The following FN1 variants were observed in gnomAD, a reference collection of about 807,000 sequenced individuals.
FN1 encodes fibronectin.
FN1 carries 106 observed loss-of-function variants against 297.3 expected under a neutral mutation model. The observed-to-expected ratio is 0.36, with a 90% CI of 0.30 to 0.42. The LOEUF is 0.42. FN1 is among the 10% of genes least tolerant of loss of function. The pLI is 1.00. For missense variants in FN1, 2,690 were observed against 3,124.9 expected (o/e 0.86, Z 3.32); for synonymous variants, 1,149 against 1,152.6 (o/e 1.00, Z 0.06).
chr2:215,383,337 C>T lies in FN1; in HGVS notation c.5041G>A (p.Ala1681Thr), dbSNP rs1451791484. The T allele has an allele frequency of 6.2e-7, 1 of 1,613,966 alleles. No individual in the cohort carries two copies. Residue 1681 changes from alanine to threonine, a missense_variant, in exon 31 of 46, where the codon GCA (alanine) becomes ACA (threonine). Around this residue, in one of 3 missense-constraint regions of FN1, gnomAD observed 1,743 missense variants for 1,945.2 expected, o/e 0.90. Transcript: ENST00000354785. ...TGCAGATGATTCTTACCTGGACCTG[C>T]AGTTTTAGTTTTTGTTGGTCCTGGT... ...NGPGPTKTKTAGPDQTEMTIE... is the reference protein window; with the variant it reads ...NGPGPTKTKTTGPDQTEMTIE...
rs958130710 is a variant in FN1, at chr2:215,435,982, C to T, written c.-180G>A. ...GGAGGGACAGAAGGGATGCAGAGGA[C>T]CAGAGAAGTTGTGGCTGCAGGTCCC... On this transcript the variant is annotated 5_prime_UTR_variant, in exon 1 of 46. Coordinates refer to ENST00000354785, the MANE Select transcript of FN1 (RefSeq NM_212482.4). 218 of 1,351,264 alleles carry T rather than the reference C, an allele frequency of 1.6e-4. No individual in the cohort carries two copies. Among genetic ancestry groups the T allele is most frequent in the Non-Finnish European group, 2.0e-4 (208 of 1,025,286 alleles). The allele number at this position is 1,351,264 out of a possible 1,614,324, so 83.7% of individuals were successfully genotyped here.
chr2:215,398,114 G>GA (rs1428934106), intron 21 of FN1, among the ~76,000 whole-genome samples: 1 of 152,194 alleles, frequency 6.6e-6, no homozygotes, highest in Non-Finnish European at 1.5e-5. Flanking sequence ...GCTTGATAAA[G>GA]AATCTCTTGT....
At position 215,372,380 on chromosome 2, in the gene FN1, C is replaced by G. The variant is rs528719062; in HGVS notation, c.6248-5G>C. 2.8e-5 allele frequency: 45 copies of G among 1,613,148 alleles called. 1 individual carries two copies. The South Asian group carries it at 4.9e-4, about 18-fold the overall frequency. On this transcript the variant is annotated splice_polypyrimidine_tract_variant and splice_region_variant and intron_variant, in intron 39 of 45. Coordinates refer to ENST00000354785, the MANE Select transcript of FN1 (RefSeq NM_212482.4). ...TTACCAGTTGGGGAAGCTCGTCTAGCCGAGAGAGGTTAGAGCCAAAAAAGC... is the reference window on the plus strand; with the variant it reads ...TTACCAGTTGGGGAAGCTCGTCTAGGCGAGAGAGGTTAGAGCCAAAAAAGC...
chr2:215,361,870 TTTAA>T (rs1257852395), intron 45 of FN1, 95 bp downstream of exon 45: 7 of 1,482,872 alleles, frequency 4.7e-6, no homozygotes, highest in East Asian at 2.4e-5. Context: ...TGTTTTTTTT[TTTAA>T]TTAATTAAAA....
intron 31 of FN1, 131 bp downstream of exon 31, chr2:215,383,196 CG>C (rs1323290252): frequency 3.8e-5 from 33 of 872,674 alleles, no homozygotes; most frequent in Non-Finnish European, 6.1e-5. Flanking sequence ...TTAGTACAGA[CG>C]GGGTTTCGCC....
At chr2:215,415,145 C>T (rs192170493) in intron 12 of FN1, among the ~76,000 whole-genome samples, 187 bp from the exon 13 acceptor site, 42 of 151,818 alleles carry the variant, frequency 2.8e-4, no homozygotes, top group African/African-American at 6.0e-4. Flanking sequence ...CATTTTTAGC[C>T]GATAATTATT....
At chr2:215,428,658 C>G (rs1005530245) in intron 5 of FN1, among the ~76,000 whole-genome samples, 3 of 152,188 alleles carry the variant, frequency 2.0e-5, no homozygotes, top group Non-Finnish European at 4.4e-5. Context: ...CCTTCTCAGG[C>G]TCTTCCAGGA....
chr2:215,372,183 C>T lies in FN1; in HGVS notation c.6440G>A (p.Gly2147Asp). 1.9e-6 allele frequency: 3 copies of T among 1,614,206 alleles called. No homozygotes were observed. The highest frequency in any genetic ancestry group is 1.1e-5 in the South Asian group (1 of 91,082). The change falls in exon 40 of 46, where the codon GGT becomes GAT. Residue 2147 changes from glycine (G) to aspartate (D), a missense_variant. Gly to Asp is a moderately conservative substitution (Grantham distance 94). Around this residue, in one of 3 missense-constraint regions of FN1, gnomAD observed 1,743 missense variants for 1,945.2 expected, o/e 0.90. Transcript: ENST00000354785. ...TGTGGGCGGTGTGGTCCGCCTAAAA[C>T]CATGTTCCTCAAAGATCATTTGTTG... is the stretch of plus-strand genomic sequence containing the variant. ...VGQQMIFEEHGFRRTTPPTTA... is the reference protein window; with the variant it reads ...VGQQMIFEEHDFRRTTPPTTA...
At chr2:215,373,208 A>G in intron 39 of FN1, 114 bp downstream of exon 39, 3 of 835,646 alleles carry the variant, frequency 3.6e-6, no homozygotes, top group Non-Finnish European at 6.2e-6. Flanking sequence ...TGTTAGATAA[A>G]AAAAATCACA....
Position 215,391,684 on chromosome 2 carries a change from T to C in FN1, c.4200A>G (p.Glu1400=). 6.2e-7 allele frequency: 1 copy of C among 1,614,132 alleles called. No individual in the cohort carries two copies. Among genetic ancestry groups the C allele is most frequent in the Non-Finnish European group, 8.5e-7 (1 of 1,179,994 alleles). Residue 1400 remains glutamate, a synonymous_variant, in exon 26 of 46, where the codon GAA becomes GAG. Transcript: ENST00000354785. ...GAGAAATTGACAACTCTGCAACATCTTCCTCATTTTTCACAGGTGAGTAAC... is the reference window on the plus strand; with the variant it reads ...GAGAAATTGACAACTCTGCAACATCCTCCTCATTTTTCACAGGTGAGTAAC... ...LVRYSPVKNE[E]DVAELSISPS...
chr2:215,372,413 A>G (rs765124834), intron 39 of FN1, 38 bp from the exon 40 acceptor site: 20 of 1,467,472 alleles, frequency 1.4e-5, no homozygotes, highest in Non-Finnish European at 1.7e-5. Flanking sequence ...AGCAAAGCGC[A>G]TTAAGCTCCA....
chr2:215,383,192 C>A, intron 31 of FN1, 136 bp downstream of exon 31: 1 of 844,410 alleles, frequency 1.2e-6, no homozygotes, highest in South Asian at 1.4e-5. Flanking sequence ...TTTTTTAGTA[C>A]AGACGGGGTT....
chr2:215,416,492 C>T (rs1038065904), intron 12 of FN1, among the ~76,000 whole-genome samples: 1 of 152,082 alleles, frequency 6.6e-6, no homozygotes, highest in Non-Finnish European at 1.5e-5. Flanking sequence ...GGAGATGTGA[C>T]TATTTAACGT....
At chr2:215,387,332 C>T (rs1027470724) in intron 27 of FN1, among the ~76,000 whole-genome samples, 13 of 151,748 alleles carry the variant, frequency 8.6e-5, no homozygotes, top group African/African-American at 3.1e-4. Flanking sequence ...TGTTTCTATC[C>T]TGTAAGTGTA....
chr2:215,398,560 T>A (rs750284503), intron 21 of FN1, among the ~76,000 whole-genome samples: 1 of 152,200 alleles, frequency 6.6e-6, no homozygotes, highest in Non-Finnish European at 1.5e-5. Flanking sequence ...TTGAGTAGCA[T>A]AATCATAAAT....
chr2:215,371,096 C>T (rs184582676), intron 40 of FN1, among the ~76,000 whole-genome samples: 8 of 149,236 alleles, frequency 5.4e-5, no homozygotes, highest in African/African-American at 1.4e-4. Flanking sequence ...CGTGAAACCC[C>T]GTCTCTACTA....
At position 215,435,880 on chromosome 2, in the gene FN1, A is replaced by G. The variant is rs1011753544; in HGVS notation, c.-78T>C. On this transcript the variant is annotated 5_prime_UTR_variant, in exon 1 of 46. Coordinates refer to ENST00000354785, the MANE Select transcript of FN1 (RefSeq NM_212482.4). Reference sequence around the variant, plus strand: ...TTTGCTTCCCTTCGCAACCTGCGGGAAAAATCCCTTCTAATGCCTCCCGGG... The same window carrying G: ...TTTGCTTCCCTTCGCAACCTGCGGGGAAAATCCCTTCTAATGCCTCCCGGG... The G allele has an allele frequency of 2.7e-6, 4 of 1,485,624 alleles. No individual in the cohort carries two copies. The African/African-American group carries it at 5.6e-5, about 21-fold the overall frequency. The allele number at this position is 1,485,624 out of a possible 1,614,324, so 92.0% of individuals were successfully genotyped here.
At chr2:215,370,952 T>G (rs991973481) in intron 40 of FN1, among the ~76,000 whole-genome samples, 22 of 152,154 alleles carry the variant, frequency 1.4e-4, no homozygotes, top group African/African-American at 5.3e-4. Context: ...TTTCTAAAAG[T>G]AACAACACAA....
chr2:215,383,522 T>C (rs780726754), intron 30 of FN1, 39 bp from the exon 31 acceptor site: 5 of 1,611,266 alleles, frequency 3.1e-6, no homozygotes, highest in Admixed American at 1.7e-5. Context: ...GAAGCCCCAG[T>C]CCTTGGAGAC....
Sources: gnomAD v4.1 joint callset for allele counts (sites outside exome capture counted in the v4.1 genomes callset) on GRCh38, gnomAD v4.1.1 for gene constraint, gnomAD v4.1.1 regional missense constraint, MANE v1.5 for transcripts, NCBI Gene and HGNC (gene_info 2026-07-23, HGNC 2026-07-21) for gene names.